Variants in PEAK1 observed in about 807,000 individuals in gnomAD.
The protein encoded by PEAK1 is pseudopodium enriched atypical kinase 1, also known as inactive tyrosine-protein kinase PEAK1.
PEAK1 carries 54 observed loss-of-function variants against 124.7 expected under a neutral mutation model. The ratio of observed to expected loss-of-function variants is 0.43; its 90% CI spans 0.35 to 0.54. The LOEUF is 0.54. PEAK1 is among the 20% of genes least tolerant of loss of function. The pLI is 0.01. For missense variants in PEAK1, 2,046 were observed against 2,134.5 expected (o/e 0.96, Z 0.82); for synonymous variants, 719 against 760.0 (o/e 0.95, Z 0.89).
In PEAK1 at chr15:77,111,263, A is replaced by C. The variant is rs1469570423; in HGVS notation, c.*2893T>G. On this transcript the variant is annotated 3_prime_UTR_variant, in exon 10 of 10. Transcript: ENST00000682557. ...TAAATGTGTGTGTATGTGTCTACAG[A>C]GGGTAGGATTTCTTTCCAGTTGATG... 1 of 152,204 alleles carries C rather than the reference A, an allele frequency of 6.6e-6. No homozygotes were observed. Among genetic ancestry groups the C allele is most frequent in the African/African-American group, 2.4e-5 (1 of 41,454 alleles). 9.4% of individuals were successfully genotyped at this position (152,204 alleles called of 1,614,324 possible). A position where few individuals can be genotyped will look rare whatever the true frequency, so the allele number is the denominator to read the frequency against.
chr15:77,177,173 C>A (rs2056936619), intron 7 of PEAK1, among the ~76,000 whole-genome samples: 1 of 152,160 alleles, frequency 6.6e-6, no homozygotes, highest in Non-Finnish European at 1.5e-5. Flanking sequence ...CAAGGCTGGT[C>A]TCGAACTCCT....
In PEAK1 at chr15:77,229,081, G is replaced by T. The variant is rs372816513; in HGVS notation, c.-115+23286C>A. Among the ~76,000 whole-genome samples, 23 of 152,222 alleles carry T rather than the reference G, an allele frequency of 1.5e-4. No homozygotes were observed. In the East Asian group the frequency reaches 3.7e-3, roughly 24 times the overall value. Reference sequence around the variant, plus strand: ...GACCTACTTCCCCATTCTGAACCAGGCAGTCCCCTAGAAAACCATTCCAAG... The same window carrying T: ...GACCTACTTCCCCATTCTGAACCAGTCAGTCCCCTAGAAAACCATTCCAAG... On this transcript the variant is annotated intron_variant, in intron 6 of 9. Coordinates refer to ENST00000682557, the MANE Select transcript of PEAK1 (RefSeq NM_001385026.1).
At chr15:77,385,608 A>G (rs148989882) in intron 1 of PEAK1, among the ~76,000 whole-genome samples, 2 of 152,282 alleles carry the variant, frequency 1.3e-5, no homozygotes, top group East Asian at 3.9e-4. Flanking sequence ...CGAGACCCCT[A>G]TAAGGAAGGC....
chr15:77,309,789 A>G (rs1018954119), intron 2 of PEAK1, among the ~76,000 whole-genome samples: 4 of 152,214 alleles, frequency 2.6e-5, no homozygotes, highest in Non-Finnish European at 5.9e-5. Flanking sequence ...CTTGTTTTAT[A>G]TACAATCACC....
chr15:77,152,547 G>T (rs1333033563), intron 8 of PEAK1, among the ~76,000 whole-genome samples: 5 of 152,098 alleles, frequency 3.3e-5, no homozygotes, highest in Admixed American at 6.5e-5. Flanking sequence ...CGGTGAGAGA[G>T]GGCATCCCTG....
chr15:77,339,740 CAA>C (rs2066419787), intron 2 of PEAK1, among the ~76,000 whole-genome samples: 1 of 152,076 alleles, frequency 6.6e-6, no homozygotes, highest in Non-Finnish European at 1.5e-5. Flanking sequence ...AAAATATTTG[CAA>C]AAGACATATC....
chr15:77,203,630 C>T (rs1006234489), intron 6 of PEAK1, among the ~76,000 whole-genome samples: 2 of 151,372 alleles, frequency 1.3e-5, no homozygotes, highest in East Asian at 1.9e-4. Context: ...CATACAAATA[C>T]AGTCAATTGA....
rs908428951 is a variant in PEAK1 at position 77,165,393 on chromosome 15, C to T, written c.3138-6697G>A. Among the ~76,000 whole-genome samples the T allele has an allele frequency of 6.6e-5, 10 of 152,168 alleles. No homozygotes were observed. In the East Asian group the frequency reaches 1.5e-3, roughly 24 times the overall value. ...TGTATTTTTAGTAGAGATGGGGTTT[C>T]GCCATGTTGGCCAGGCTGATCTCGA... On this transcript the variant is annotated intron_variant, in intron 7 of 9. Transcript: ENST00000682557.
intron 2 of PEAK1, among the ~76,000 whole-genome samples, chr15:77,331,603 T>TTTTA (rs1171209214): frequency 5.3e-5 from 8 of 152,126 alleles, no homozygotes; most frequent in Non-Finnish European, 1.5e-5. Context: ...TCATGAATGC[T>TTTTA]TTTATTTATT....
At chr15:77,222,204 C>T (rs1046338678) in intron 6 of PEAK1, among the ~76,000 whole-genome samples, 17 of 151,864 alleles carry the variant, frequency 1.1e-4, no homozygotes, top group Non-Finnish European at 2.4e-4. Flanking sequence ...AAAATGAAAA[C>T]ATACATTTAA....
rs1415379503 is a variant in PEAK1 at position 77,112,043 on chromosome 15, C to G, written c.*2113G>C. The G allele has an allele frequency of 6.6e-6, 1 of 152,258 alleles. No homozygotes were observed. Among genetic ancestry groups the G allele is most frequent in the Non-Finnish European group, 1.5e-5 (1 of 68,110 alleles). 9.4% of individuals were successfully genotyped at this position (152,258 alleles called of 1,614,324 possible). ...ACCTTCAAGGCAAGGCGCGGCCATG[C>G]CACAGGACACCAAGAGCAGACTGCT... is the stretch of plus-strand genomic sequence containing the variant. On this transcript the variant is annotated 3_prime_UTR_variant, in exon 10 of 10. Transcript: ENST00000682557.
intron 8 of PEAK1, among the ~76,000 whole-genome samples, chr15:77,141,853 A>G (rs2053814849): frequency 1.3e-5 from 2 of 152,170 alleles, no homozygotes; most frequent in South Asian, 4.1e-4. Flanking sequence ...AAAATGTATG[A>G]AAAATTTAAA....
At chr15:77,312,835 C>G (rs1402747467) in intron 2 of PEAK1, among the ~76,000 whole-genome samples, 6 of 152,212 alleles carry the variant, frequency 3.9e-5, no homozygotes, top group African/African-American at 1.4e-4. Context: ...CTGGCCAGCA[C>G]TGTGTCACAG....
intron 6 of PEAK1, among the ~76,000 whole-genome samples, chr15:77,200,586 G>C (rs1158369235): frequency 1.3e-5 from 2 of 152,106 alleles, no homozygotes; most frequent in Non-Finnish European, 2.9e-5. Flanking sequence ...AAACCACCAA[G>C]TTTTATCAAA....
Position 77,314,535 on chromosome 15 carries a change from A to T in PEAK1, c.-602-28031T>A, listed in dbSNP as rs562189254. 4.6e-5 allele frequency among the ~76,000 whole-genome samples: 7 copies of T among 152,070 alleles called. 1 individual carries two copies. Among genetic ancestry groups the T allele is most frequent in the Non-Finnish European group, 1.0e-4 (7 of 67,986 alleles). On this transcript the variant is annotated intron_variant, in intron 2 of 9. Coordinates refer to ENST00000682557, the MANE Select transcript of PEAK1 (RefSeq NM_001385026.1). ...CAGGCACATACCACCACGCCCAGCT[A>T]ATTTTTGTATTTTTAGTAGAGGCAG... is the stretch of plus-strand genomic sequence containing the variant.
chr15:77,252,367 T>C lies in PEAK1; in HGVS notation c.-115A>G. ...AACATGTTAGGAGAATTCTGCTTAC[T>C]ATTTAAATCTGAAGCACTTCATTCA... is the stretch of plus-strand genomic sequence containing the variant. On this transcript the variant is annotated splice_region_variant and 5_prime_UTR_variant, in exon 6 of 10. In the 5' UTR this introduces an upstream ATG that the reference lacks. Coordinates refer to ENST00000682557, the MANE Select transcript of PEAK1 (RefSeq NM_001385026.1). 3.0e-6 allele frequency: 3 copies of C among 984,786 alleles called. No homozygotes were observed. Among genetic ancestry groups the C allele is most frequent in the Non-Finnish European group, 2.4e-6 (2 of 829,322 alleles). The allele number at this position is 984,786 out of a possible 1,614,324, so 61.0% of individuals were successfully genotyped here.
At chr15:77,141,414 T>C (rs190512705) in intron 8 of PEAK1, among the ~76,000 whole-genome samples, 1 of 152,326 alleles carries the variant, frequency 6.6e-6, no homozygotes, top group African/African-American at 2.4e-5. Flanking sequence ...AGATATCTTA[T>C]GCTCATGGAT....
exon 7 of PEAK1, chr15:77,101,672 G>A (rs1404901731): frequency 2.0e-5 from 3 of 152,222 alleles, no homozygotes; most frequent in African/African-American, 7.2e-5. Context: ...TACAAGCTCA[G>A]AATAGCTGAA....
intron 8 of PEAK1, among the ~76,000 whole-genome samples, chr15:77,137,153 T>A (rs2053406043): frequency 6.6e-6 from 1 of 152,218 alleles, no homozygotes; most frequent in Non-Finnish European, 1.5e-5. Context: ...AGAGGATGTA[T>A]GAAAACACCT....
Sources: allele counts gnomAD v4.1 joint callset (sites outside exome capture counted in the v4.1 genomes callset), GRCh38; gene constraint gnomAD v4.1.1; transcripts MANE v1.5; gene names NCBI Gene and HGNC (gene_info 2026-07-23, HGNC 2026-07-21).